Variants in ZNF512B observed in about 807,000 individuals in gnomAD.
ZNF512B encodes zinc finger protein 512B.
Under a neutral mutation model 87.8 loss-of-function variants are expected in ZNF512B, and 22 were observed. The ratio of observed to expected loss-of-function variants is 0.25; its 90% CI spans 0.18 to 0.36. The LOEUF (loss-of-function observed/expected upper bound fraction) is 0.36. Among genes scored for constraint, ZNF512B ranks in the 10% least tolerant of loss-of-function variants. The probability of loss-of-function intolerance (pLI) is 1.00; values close to 1 mark genes in which losing one functional copy is unlikely to be tolerated. For synonymous variants in ZNF512B, 524 were observed against 490.9 expected, an observed-to-expected ratio of 1.07 and a Z score of -0.89; for missense variants, 1,060 against 1,231.6, an observed-to-expected ratio of 0.86 and a Z score of 2.09.
At position 63,963,932 on chromosome 20, in the gene ZNF512B, CCTCGAAGG is replaced by C; in HGVS notation, c.1481-27_1481-20del. The C allele has an allele frequency of 1.9e-6, 3 of 1,606,900 alleles. No individual in the cohort carries two copies. Among genetic ancestry groups the C allele is most frequent in the Non-Finnish European group, 1.7e-6 (2 of 1,179,846 alleles). ...GGGCCACCTGTGGGTAAGGCAGGGG[CCTCGAAGG>C]CTTGTGGGGGCTGCTGGGTGGCCCA... On this transcript the variant is annotated intron_variant, in intron 8 of 16. Coordinates refer to ENST00000369888, the MANE Select transcript of ZNF512B (RefSeq NM_020713.3).
chr20:63,961,904 G>T lies in ZNF512B; in HGVS notation c.2328+38C>A. On this transcript the variant is annotated intron_variant, in intron 15 of 16. Coordinates refer to ENST00000369888, the MANE Select transcript of ZNF512B (RefSeq NM_020713.3). This position sits in a 1 kb window ranked among gnomAD's most constrained non-coding sequence, Gnocchi z 6.4. The stretch of plus-strand genomic sequence containing the variant: ...GTGGGGTGAGCTGGGAGCTCTGAGT[G>T]CAGCGCACCTGGCCGTGGGGCAGGC... 6.5e-7 allele frequency: 1 copy of T among 1,547,906 alleles called. No individual in the cohort carries two copies. The highest frequency in any genetic ancestry group is 8.7e-7 in the Non-Finnish European group (1 of 1,144,396).
chr20:63,962,821 G>A (rs1224269703), intron 12 of ZNF512B, 40 bp from the exon 13 acceptor site: 1 of 1,543,502 alleles, frequency 6.5e-7, no homozygotes, highest in Non-Finnish European at 8.7e-7. Flanking sequence ...GTGAGCCGCG[G>A]GAGCAAGAGT....
In ZNF512B at chr20:63,962,717, G is replaced by A; in HGVS notation, c.2033C>T (p.Pro678Leu). Residue 678 changes from proline to leucine, a missense_variant, in exon 13 of 17, where the codon CCA becomes CTA. Physicochemically the swap from Pro to Leu is moderately conservative, Grantham distance 98 (BLOSUM62 -3). Transcript: ENST00000369888. ...CGACGTGCGGCGGACACGCCCGCTT[G>A]GGGTCCGCTCCACACCCAGCGGGTC... ...AEDPLGVERT[P>L]SGRVRRTSAQ... 1.2e-6 allele frequency: 2 copies of A among 1,603,198 alleles called. No homozygotes were observed. The highest frequency in any genetic ancestry group is 8.5e-7 in the Non-Finnish European group (1 of 1,176,538).
chr20:63,967,580 G>A (rs1419536190), intron 2 of ZNF512B, 57 bp from the exon 3 acceptor site: 30 of 1,530,856 alleles, frequency 2.0e-5, no homozygotes, highest in East Asian at 4.5e-5. Context: ...TACCACCGGC[G>A]GCTGCACAGG....
Position 63,959,937 on chromosome 20 carries a change from C to G in ZNF512B, c.2630G>C (p.Arg877Pro). 1.9e-6 allele frequency: 3 copies of G among 1,608,230 alleles called. No homozygotes were observed. The highest frequency in any genetic ancestry group is 2.5e-6 in the Non-Finnish European group (3 of 1,178,788). The change falls in exon 17 of 17, where the codon CGG (arginine) becomes CCG (proline). Residue 877 changes from arginine to proline, a missense_variant. Transcript: ENST00000369888. ...WPPGCRDKGA[R>P]GSTGRKVGVS... ...TCCCACCTTCCGGCCGGTGGAGCCC[C>G]GGGCCCCCTTGTCTCTGCATCCTGG...
chr20:63,968,675 G>T (rs1184437412), intron 1 of ZNF512B, among the ~76,000 whole-genome samples: 1 of 152,212 alleles, frequency 6.6e-6, no homozygotes, highest in Non-Finnish European at 1.5e-5. Context: ...TTGTCTCCAG[G>T]CTTGGCAGGC....
At chr20:63,967,738 A>G (rs548832653) in intron 2 of ZNF512B, 92 bp downstream of exon 2, 1 of 1,546,014 alleles carries the variant, frequency 6.5e-7, no homozygotes, top group East Asian at 2.3e-5. Context: ...CTAGCTGGGT[A>G]CCTGGAGACA....
rs1033883536 is a variant in ZNF512B, at chr20:63,959,672, C to T, written c.*216G>A. ...CTGGCTATTGCACTTCTGCTGGGCACACCTTGGGGAGCCCCAACCCAGGTG... is the reference window on the plus strand; with the variant it reads ...CTGGCTATTGCACTTCTGCTGGGCATACCTTGGGGAGCCCCAACCCAGGTG... On this transcript the variant is annotated 3_prime_UTR_variant, in exon 17 of 17. Coordinates refer to ENST00000369888, the MANE Select transcript of ZNF512B (RefSeq NM_020713.3). 2 of 641,850 alleles carry T rather than the reference C, an allele frequency of 3.1e-6. No individual in the cohort carries two copies. The highest frequency in any genetic ancestry group is 2.5e-6 in the Non-Finnish European group (1 of 395,904). 39.8% of individuals were successfully genotyped at this position (641,850 alleles called of 1,614,324 possible). A position where few individuals can be genotyped will look rare whatever the true frequency, so the allele number is the denominator to read the frequency against.
Position 63,961,908 on chromosome 20 carries a change from C to T in ZNF512B, c.2328+34G>A, listed in dbSNP as rs947963310. The T allele has an allele frequency of 2.3e-5, 36 of 1,549,028 alleles. No individual in the cohort carries two copies. Among genetic ancestry groups the T allele is most frequent in the Admixed American group, 5.9e-5 (3 of 50,974 alleles). On this transcript the variant is annotated intron_variant, in intron 15 of 16. Coordinates refer to ENST00000369888, the MANE Select transcript of ZNF512B (RefSeq NM_020713.3). This position sits in a 1 kb window ranked among gnomAD's most constrained non-coding sequence, Gnocchi z 6.4. ...GGTGAGCTGGGAGCTCTGAGTGCAGCGCACCTGGCCGTGGGGCAGGCCCCA... is the reference window on the plus strand; with the variant it reads ...GGTGAGCTGGGAGCTCTGAGTGCAGTGCACCTGGCCGTGGGGCAGGCCCCA...
Position 63,966,575 on chromosome 20 carries a change from A to C in ZNF512B, c.600T>G (p.Ile200Met), listed in dbSNP as rs2058930412. 6.2e-7 allele frequency: 1 copy of C among 1,613,740 alleles called. No homozygotes were observed. Among genetic ancestry groups the C allele is most frequent in the South Asian group, 1.1e-5 (1 of 91,066 alleles). The stretch of plus-strand genomic sequence containing the variant: ...GTTTGCTGACACCCACAGGTTTGCC[A>C]ATAGTGACAGGTTTGCTCACTCCGA... ...KPIGVSKPVT[I>M]GKPVGVSKPI... Residue 200 changes from isoleucine (I) to methionine (M), a missense_variant, in exon 5 of 17, where the codon ATT becomes ATG. Ile to Met is a conservative substitution (Grantham distance 10). Coordinates refer to ENST00000369888, the MANE Select transcript of ZNF512B (RefSeq NM_020713.3).
At chr20:63,968,099 G>A (rs2058946621) in intron 1 of ZNF512B, 147 bp from the exon 2 acceptor site, 4 of 1,040,370 alleles carry the variant, frequency 3.8e-6, no homozygotes, top group Non-Finnish European at 5.5e-6. Flanking sequence ...CGTGGGAAAA[G>A]CAAGTGATGG....
At chr20:63,969,394 G>C (rs934743813) in intron 1 of ZNF512B, among the ~76,000 whole-genome samples, 18 of 152,034 alleles carry the variant, frequency 1.2e-4, no homozygotes. Context: ...CCGCCGCGCT[G>C]CGCGCAGGAG....
rs762842894 is a variant in ZNF512B at position 63,959,879 on chromosome 20, G to C, written c.*9C>G. The C allele has an allele frequency of 1.3e-6, 2 of 1,562,358 alleles. No homozygotes were observed. On this transcript the variant is annotated 3_prime_UTR_variant, in exon 17 of 17. Coordinates refer to ENST00000369888, the MANE Select transcript of ZNF512B (RefSeq NM_020713.3). Reference sequence around the variant, plus strand: ...CGGCTGCATGGGGGCCAGGCCCCACGCACCATGCTCACTTTTCAGGCGCCT... The same window carrying C: ...CGGCTGCATGGGGGCCAGGCCCCACCCACCATGCTCACTTTTCAGGCGCCT...
chr20:63,961,484 G>A lies in ZNF512B; in HGVS notation c.2329-77C>T. On this transcript the variant is annotated intron_variant, in intron 15 of 16. Transcript: ENST00000369888. This position sits in a 1 kb window ranked among gnomAD's most constrained non-coding sequence, Gnocchi z 6.4. ...TCCTAAGCCCCTACTCATGGCTAAA[G>A]GGTCAGAGTCAGCGGTGGCCCAAGG... 1 of 1,399,648 alleles carries A rather than the reference G, an allele frequency of 7.1e-7. No individual in the cohort carries two copies. The allele number at this position is 1,399,648 out of a possible 1,614,324, so 86.7% of individuals were successfully genotyped here.
intron 1 of ZNF512B, among the ~76,000 whole-genome samples, chr20:63,969,427 G>C (rs899754358): frequency 2.0e-5 from 3 of 151,784 alleles, no homozygotes; most frequent in Admixed American, 2.0e-4. Flanking sequence ...GGTCCGCCGC[G>C]TAGGCCGTTC....
chr20:63,968,428 C>T (rs1214881465), intron 1 of ZNF512B, among the ~76,000 whole-genome samples: 3 of 152,218 alleles, frequency 2.0e-5, no homozygotes, highest in African/African-American at 7.2e-5. Flanking sequence ...GCTGCTGGCT[C>T]ACAAGCTGCC....
rs373702537 is a variant in ZNF512B at position 63,966,521 on chromosome 20, G to A, written c.654C>T (p.Val218=). The stretch of plus-strand genomic sequence containing the variant: ...CCTTGGTGACTGGCATGGGTCTGCC[G>A]ACCGAGACTGGCTTGCTGATGCCAA... ...KPIGISKPVS[V]GRPMPVTKAI... The change falls in exon 5 of 17, where the codon GTC becomes GTT. Residue 218 remains valine (V), a synonymous_variant. Coordinates refer to ENST00000369888, the MANE Select transcript of ZNF512B (RefSeq NM_020713.3). The A allele has an allele frequency of 1.1e-4, 174 of 1,613,962 alleles. No individual in the cohort carries two copies. The highest frequency in any genetic ancestry group is 1.3e-4 in the Non-Finnish European group (151 of 1,180,032).
rs778616775 is a variant in ZNF512B at position 63,963,657 on chromosome 20, G to T, written c.1659C>A (p.Ala553=). ...QHCRKQFKSK[A]GLNYHTMAEH... ...CGGCCATAGTGTGGTAGTTGAGGCC[G>T]GCTTTGGACTTGAACTGCTTCCGGC... is the stretch of plus-strand genomic sequence containing the variant. The change falls in exon 10 of 17, where the codon GCC becomes GCA. Residue 553 remains alanine (A), a synonymous_variant. Transcript: ENST00000369888. 1 of 1,613,688 alleles carries T rather than the reference G, an allele frequency of 6.2e-7. No homozygotes were observed. Among genetic ancestry groups the T allele is most frequent in the Non-Finnish European group, 8.5e-7 (1 of 1,180,028 alleles).
Position 63,956,981 on chromosome 20 carries a change from C to G in ZNF512B, c.*2907G>C, listed in dbSNP as rs1601455905. 1.3e-5 allele frequency: 2 copies of G among 152,606 alleles called. No homozygotes were observed. Among genetic ancestry groups the G allele is most frequent in the African/African-American group, 4.8e-5 (2 of 41,460 alleles). The allele number at this position is 152,606 out of a possible 1,614,324, so 9.5% of individuals were successfully genotyped here. Reference sequence around the variant, plus strand: ...GAGAACTGGCATTAAAAAACCCAAACCAAGAAACCCAAAGCACGGGACGCC... The same window carrying G: ...GAGAACTGGCATTAAAAAACCCAAAGCAAGAAACCCAAAGCACGGGACGCC... On this transcript the variant is annotated 3_prime_UTR_variant, in exon 17 of 17. Coordinates refer to ENST00000369888, the MANE Select transcript of ZNF512B (RefSeq NM_020713.3).
Sources: gnomAD v4.1 joint callset for allele counts (sites outside exome capture counted in the v4.1 genomes callset) on GRCh38, gnomAD v4.1.1 for gene constraint, Gnocchi (gnomAD v3.1) non-coding constraint, MANE v1.5 for transcripts, NCBI Gene and HGNC (gene_info 2026-07-23, HGNC 2026-07-21) for gene names.